CFAP300: variants seen among roughly 807,000 people sequenced by gnomAD.
The protein encoded by CFAP300 is cilia- and flagella-associated protein 300.
Under a neutral mutation model 33.0 loss-of-function variants are expected in CFAP300, and 32 were observed. The ratio of observed to expected loss-of-function variants is 0.97; its 90% CI spans 0.73 to 1.30. The LOEUF (loss-of-function observed/expected upper bound fraction) is 1.30. Among genes scored for constraint, CFAP300 ranks in the 50% most tolerant of loss-of-function variants. CFAP300 has a pLI of 0.00. For missense variants in CFAP300, 356 were observed against 318.1 expected, an observed-to-expected ratio of 1.12 and a Z score of -0.90; for synonymous variants, 102 against 106.8, an observed-to-expected ratio of 0.95 and a Z score of 0.28.
intron 6 of CFAP300, among the ~76,000 whole-genome samples, chr11:102,082,804 C>T (rs1400956197): frequency 6.6e-6 from 1 of 152,120 alleles, no homozygotes; most frequent in African/African-American, 2.4e-5. Flanking sequence ...CAAGACTAGC[C>T]TGGCTAAGAT....
intron 2 of CFAP300, among the ~76,000 whole-genome samples, chr11:102,058,324 C>T (rs756370310): frequency 1.3e-5 from 2 of 151,530 alleles, no homozygotes; most frequent in Non-Finnish European, 1.5e-5. Context: ...GACAATATGC[C>T]GACATCATAA....
chr11:102,066,407 AG>A, intron 3 of CFAP300, 77 bp from the exon 4 acceptor site: 1 of 953,354 alleles, frequency 1.0e-6, no homozygotes, highest in Non-Finnish European at 1.5e-6. Context: ...ATTTCTGCAT[AG>A]CGATTTATTT....
intron 3 of CFAP300, among the ~76,000 whole-genome samples, chr11:102,062,617 T>C (rs1942163835): frequency 6.6e-6 from 1 of 152,210 alleles, no homozygotes; most frequent in African/African-American, 2.4e-5. Flanking sequence ...CTTAAAGTAA[T>C]GTCTTGCTTA....
chr11:102,072,379 T>C (rs946041589), intron 4 of CFAP300, among the ~76,000 whole-genome samples: 16 of 152,154 alleles, frequency 1.1e-4, no homozygotes, highest in South Asian at 1.0e-3. Flanking sequence ...ATTCATATCC[T>C]GAATTGTTTT....
In CFAP300 at chr11:102,083,105, A is replaced by T. The variant is rs150444465; in HGVS notation, c.710A>T (p.Asn237Ile). 8 of 1,544,364 alleles carry T rather than the reference A, an allele frequency of 5.2e-6. No individual in the cohort carries two copies. The highest frequency in any genetic ancestry group is 7.0e-6 in the Non-Finnish European group (8 of 1,143,208). The part of the protein sequence containing the change: ...SAGMCYPSAK[N>I]HEQTFSYFIV... ...GGTATGTGCTATCCTTCAGCAAAGAATCATGAACAGACATTTTCTTACTTT... is the reference window on the plus strand; with the variant it reads ...GGTATGTGCTATCCTTCAGCAAAGATTCATGAACAGACATTTTCTTACTTT... The change falls in exon 7 of 7, where the codon AAT (asparagine) becomes ATT (isoleucine). Residue 237 changes from asparagine (N) to isoleucine (I), a missense_variant. Transcript: ENST00000434758.
At chr11:102,073,576 C>T (rs1394895171) in intron 4 of CFAP300, among the ~76,000 whole-genome samples, 1 of 152,154 alleles carries the variant, frequency 6.6e-6, no homozygotes, top group East Asian at 1.9e-4. Context: ...ATGGAAGCAG[C>T]ATGGGCAATG....
chr11:102,069,144 T>G (rs1379894487), intron 4 of CFAP300, among the ~76,000 whole-genome samples: 1 of 152,264 alleles, frequency 6.6e-6, no homozygotes, highest in Non-Finnish European at 1.5e-5. Context: ...CATGAAATGC[T>G]GGAGCTCAGT....
chr11:102,069,451 A>C (rs535514392), intron 4 of CFAP300, among the ~76,000 whole-genome samples: 2 of 152,302 alleles, frequency 1.3e-5, no homozygotes, highest in South Asian at 4.1e-4. Context: ...AAAGCCATAG[A>C]ATATTATGTT....
Position 102,083,735 on chromosome 11 carries a change from G to A in CFAP300, c.*536G>A, listed in dbSNP as rs2135056159. On this transcript the variant is annotated 3_prime_UTR_variant, in exon 7 of 7. Coordinates refer to ENST00000434758, the MANE Select transcript of CFAP300 (RefSeq NM_032930.3). ...GCCTCAGTAAAGAAGTAACGTTCTG[G>A]GGCCTGGCACGGTGGCTCACGCCTG... 1 of 152,264 alleles carries A rather than the reference G, an allele frequency of 6.6e-6. No individual in the cohort carries two copies. The highest frequency in any genetic ancestry group is 1.5e-5 in the Non-Finnish European group (1 of 68,068). The allele number at this position is 152,264 out of a possible 1,614,324, so 9.4% of individuals were successfully genotyped here. A position where few individuals can be genotyped will look rare whatever the true frequency, so the allele number is the denominator to read the frequency against.
intron 2 of CFAP300, among the ~76,000 whole-genome samples, chr11:102,049,748 A>T (rs1277231613): frequency 1.3e-5 from 2 of 152,090 alleles, no homozygotes; most frequent in Non-Finnish European, 2.9e-5. Context: ...TTCAATAAAT[A>T]TTTGTTGAAT....
intron 5 of CFAP300, among the ~76,000 whole-genome samples, chr11:102,080,828 C>G (rs1418507940): frequency 6.6e-6 from 1 of 152,166 alleles, no homozygotes; most frequent in East Asian, 1.9e-4. Context: ...AAAGAACTAG[C>G]ATTTGTATTT....
Position 102,083,277 on chromosome 11 carries a change from AT to A in CFAP300, c.*79del. The A allele has an allele frequency of 8.7e-7, 1 of 1,148,338 alleles. No homozygotes were observed. The allele number at this position is 1,148,338 out of a possible 1,614,324, so 71.1% of individuals were successfully genotyped here. A position where few individuals can be genotyped will look rare whatever the true frequency, so the allele number is the denominator to read the frequency against. ...TTAATACTAACTTATAGATAAACATATACTTTGCAAATTAATTCAAGAAAAA... is the reference window on the plus strand; with the variant it reads ...TTAATACTAACTTATAGATAAACATAACTTTGCAAATTAATTCAAGAAAAA... On this transcript the variant is annotated 3_prime_UTR_variant, in exon 7 of 7. Coordinates refer to ENST00000434758, the MANE Select transcript of CFAP300 (RefSeq NM_032930.3).
intron 2 of CFAP300, among the ~76,000 whole-genome samples, chr11:102,049,949 G>C (rs1941944686): frequency 6.6e-6 from 1 of 151,686 alleles, no homozygotes; most frequent in African/African-American, 2.4e-5. Context: ...CCAGGAGTTT[G>C]AGACCAGCCT....
At chr11:102,069,226 C>T (rs979969761) in intron 4 of CFAP300, among the ~76,000 whole-genome samples, 2 of 152,172 alleles carry the variant, frequency 1.3e-5, no homozygotes, top group Non-Finnish European at 2.9e-5. Flanking sequence ...GGAGGAAAGG[C>T]TTTTAACTTG....
At chr11:102,057,946 C>G (rs1453848762) in intron 2 of CFAP300, 1 of 152,250 alleles carries the variant, frequency 6.6e-6, no homozygotes, top group Non-Finnish European at 1.5e-5. Context: ...CTCGATGTAC[C>G]TGATATTGAA....
chr11:102,083,227 A>C lies in CFAP300; in HGVS notation c.*28A>C. 1 of 1,369,986 alleles carries C rather than the reference A, an allele frequency of 7.3e-7. No homozygotes were observed. Among genetic ancestry groups the C allele is most frequent in the Non-Finnish European group, 9.6e-7 (1 of 1,041,852 alleles). The allele number at this position is 1,369,986 out of a possible 1,614,324, so 84.9% of individuals were successfully genotyped here. A position where few individuals can be genotyped will look rare whatever the true frequency, so the allele number is the denominator to read the frequency against. On this transcript the variant is annotated 3_prime_UTR_variant, in exon 7 of 7. Coordinates refer to ENST00000434758, the MANE Select transcript of CFAP300 (RefSeq NM_032930.3). ...TTCTTTCAGATTATGTACCTCTACT[A>C]TTTTGTATTTATCATTTTTCTATCT...
chr11:102,063,066 G>C (rs1418494116), intron 3 of CFAP300, among the ~76,000 whole-genome samples: 5 of 152,232 alleles, frequency 3.3e-5, no homozygotes, highest in African/African-American at 1.2e-4. Context: ...CAACAGGCCA[G>C]ATGGCCTCCA....
Position 102,076,023 on chromosome 11 carries a change from C to T in CFAP300, c.586C>T (p.Leu196Phe). ...VISPYLETTK[L>F]IYKDLVSVRK... The stretch of plus-strand genomic sequence containing the variant: ...TAGCCCATATCTGGAAACAACAAAG[C>T]TTATCTATAAGGATCTGGTGAGGTA... Residue 196 changes from leucine to phenylalanine, a missense_variant, in exon 5 of 7, where the codon CTT (leucine) becomes TTT (phenylalanine). Leu to Phe is a conservative substitution (Grantham distance 22, BLOSUM62 0). Coordinates refer to ENST00000434758, the MANE Select transcript of CFAP300 (RefSeq NM_032930.3). 2 of 1,612,070 alleles carry T rather than the reference C, an allele frequency of 1.2e-6. No individual in the cohort carries two copies. Among genetic ancestry groups the T allele is most frequent in the South Asian group, 2.2e-5 (2 of 90,430 alleles).
rs370139150 is a variant in CFAP300, at chr11:102,060,264, C to T, written c.268+1309C>T. Among the ~76,000 whole-genome samples, 27 of 151,120 alleles carry T rather than the reference C, an allele frequency of 1.8e-4. No individual in the cohort carries two copies. The East Asian group carries it at 2.3e-3, about 13-fold the overall frequency. On this transcript the variant is annotated intron_variant, in intron 3 of 6. Transcript: ENST00000434758. ...CTGAGATTACAGGCGTGAACCACCACGCTCAGCCTAAATTTTTTTTTTTTT... is the reference window on the plus strand; with the variant it reads ...CTGAGATTACAGGCGTGAACCACCATGCTCAGCCTAAATTTTTTTTTTTTT...
Sources: gnomAD v4.1 joint callset for allele counts (sites outside exome capture counted in the v4.1 genomes callset) on GRCh38, gnomAD v4.1.1 for gene constraint, MANE v1.5 for transcripts, NCBI Gene and HGNC (gene_info 2026-07-23, HGNC 2026-07-21) for gene names.